ZNF565: variants seen among roughly 807,000 people sequenced by gnomAD.
ZNF565 encodes the protein zinc finger protein 565.
Under a neutral mutation model 39.4 loss-of-function variants are expected in ZNF565, and 27 were observed. The ratio of observed to expected loss-of-function variants is 0.69; its 90% confidence interval spans 0.51 to 0.95. ZNF565 has a LOEUF of 0.95. ZNF565 is among the 40% of genes least tolerant of loss of function. The pLI, the probability that ZNF565 is intolerant of heterozygous loss-of-function variation, is 0.00. For synonymous variants in ZNF565, 185 were observed against 216.6 expected, an observed-to-expected ratio of 0.85 and a Z score of 1.28; for missense variants, 524 against 621.1, an observed-to-expected ratio of 0.84 and a Z score of 1.66.
intron 1 of ZNF565, among the ~76,000 whole-genome samples, chr19:36,227,258 G>A (rs1430966663): frequency 2.1e-5 from 3 of 144,992 alleles, no homozygotes; most frequent in Non-Finnish European, 4.6e-5. Context: ...GTGTAGTGGC[G>A]CATGCCTGTA....
At chr19:36,192,133 C>A (rs990140289) in intron 4 of ZNF565, among the ~76,000 whole-genome samples, 1 of 151,726 alleles carries the variant, frequency 6.6e-6, no homozygotes, top group Non-Finnish European at 1.5e-5. Context: ...GGACTACAGG[C>A]ACCCGCCACC....
intron 3 of ZNF565, 154 bp downstream of exon 3, chr19:36,194,876 G>C (rs1312846775): frequency 8.6e-7 from 1 of 1,160,388 alleles, no homozygotes; most frequent in Non-Finnish European, 1.3e-6. Context: ...TACAGCTATT[G>C]CTGGCCGGGC....
At chr19:36,182,165 A>G (rs1384523654), downstream of ZNF565, 2 of 271,770 alleles carry the variant, frequency 7.4e-6, no homozygotes, top group Non-Finnish European at 1.4e-5. Context: ...GAATCTTTTA[A>G]TCGGGTCATT....
At chr19:36,227,705 C>A (rs1977133813) in intron 1 of ZNF565, among the ~76,000 whole-genome samples, 2 of 152,284 alleles carry the variant, frequency 1.3e-5, no homozygotes, top group East Asian at 3.9e-4. Context: ...CAGGCGCACA[C>A]CATTGCGCCC....
At chr19:36,195,000 C>T (rs771647858) in intron 3 of ZNF565, 30 bp downstream of exon 3, 44 of 1,613,890 alleles carry the variant, frequency 2.7e-5, no homozygotes, top group Middle Eastern at 1.6e-4. Flanking sequence ...CCTTGCTTTC[C>T]GTCTGGCCCG....
chr19:36,241,046 G>A (rs937666058), intron 1 of ZNF565, among the ~76,000 whole-genome samples: 26 of 152,212 alleles, frequency 1.7e-4, no homozygotes, highest in African/African-American at 6.0e-4. Context: ...CCAGCCTCCA[G>A]AACTGTGTAC....
At chr19:36,219,760 T>G (rs1407408733) in intron 1 of ZNF565, among the ~76,000 whole-genome samples, 1 of 152,178 alleles carries the variant, frequency 6.6e-6, no homozygotes, top group Non-Finnish European at 1.5e-5. Context: ...GATTTTCTGT[T>G]TTTTTTGTTG....
chr19:36,197,042 T>C (rs1599927751), intron 2 of ZNF565, among the ~76,000 whole-genome samples: 1 of 137,686 alleles, frequency 7.3e-6, no homozygotes, highest in South Asian at 2.3e-4. Context: ...GCAACAAGAG[T>C]GAAACTCTGT....
chr19:36,210,419 CAA>C (rs35345882), intron 1 of ZNF565, among the ~76,000 whole-genome samples: 17,314 of 66,802 alleles, frequency 0.26, 766 homozygotes, highest in African/African-American at 0.32. Context: ...AATTCTGTCT[CAA>C]AAAAAAAAAA....
At position 36,183,190 on chromosome 19, in the gene ZNF565, G is replaced by C; in HGVS notation, c.776C>G (p.Thr259Ser). The change falls in exon 5 of 5, where the codon ACC becomes AGC. Residue 259 changes from threonine (T) to serine (S), a missense_variant. By Grantham distance (58) the Thr-to-Ser change is moderately conservative. Coordinates refer to ENST00000304116, the MANE Select transcript of ZNF565 (RefSeq NM_152477.5). ...AATCAGCTGTGAATGCTGCCTAAAG[G>C]TCTTCCCACATTCTTTACATTCATA... Reference protein sequence around the residue: ...KPYECKECGKTFRQHSQLILH... With the variant: ...KPYECKECGKSFRQHSQLILH... The C allele has an allele frequency of 1.2e-6, 2 of 1,614,088 alleles. No homozygotes were observed. The highest frequency in any genetic ancestry group is 1.7e-6 in the Non-Finnish European group (2 of 1,180,032).
intron 1 of ZNF565, chr19:36,237,936 C>T (rs964611613): frequency 1.8e-5 from 3 of 166,928 alleles, no homozygotes; most frequent in African/African-American, 7.2e-5. Flanking sequence ...AAGCTATGTA[C>T]TAAAATGCAT....
At chr19:36,234,649 G>A (rs1248586046) in intron 1 of ZNF565, among the ~76,000 whole-genome samples, 3 of 152,126 alleles carry the variant, frequency 2.0e-5, no homozygotes, top group African/African-American at 4.8e-5. Flanking sequence ...CGCCCACCTC[G>A]GCCTCCCAAC....
Position 36,245,656 on chromosome 19 carries a change from T to C in ZNF565, c.-126A>G, listed in dbSNP as rs1442545495. 4 of 684,264 alleles carry C rather than the reference T, an allele frequency of 5.8e-6. No individual in the cohort carries two copies. The highest frequency in any genetic ancestry group is 1.1e-5 in the Non-Finnish European group (4 of 374,904). The allele number at this position is 684,264 out of a possible 1,614,324, so 42.4% of individuals were successfully genotyped here. On this transcript the variant is annotated 5_prime_UTR_variant, in exon 1 of 5. Coordinates refer to the ZNF565 transcript ENST00000355114. The surrounding 1 kb of genome is among the most constrained non-coding windows in gnomAD (Gnocchi z 4.4). ...CGAATTGGTGCTTTGGCAGAGTCTC[T>C]GGTGCCCGGGTGAATGGGTTCAGGG...
At chr19:36,189,906 TC>T (rs997396726) in intron 4 of ZNF565, among the ~76,000 whole-genome samples, 2 of 152,024 alleles carry the variant, frequency 1.3e-5, no homozygotes, top group Non-Finnish European at 2.9e-5. Flanking sequence ...CGATCTTGGT[TC>T]CTTGCAACCT....
In ZNF565 at chr19:36,183,257, C is replaced by T. The variant is rs753601175; in HGVS notation, c.709G>A (p.Glu237Lys). 4 of 1,613,646 alleles carry T rather than the reference C, an allele frequency of 2.5e-6. No individual in the cohort carries two copies. The Admixed American group carries it at 6.7e-5, about 27-fold the overall frequency. Residue 237 changes from glutamate (E) to lysine (K), a missense_variant, in exon 5 of 5, where the codon GAA becomes AAA. Glu to Lys is a moderately conservative substitution (Grantham distance 56, BLOSUM62 1). Transcript: ENST00000304116. ...TGAAGTCTCTGATGTAGAATAAGTTCTGATGTACGACCAAAGGCCTTCCCA... is the reference window on the plus strand; with the variant it reads ...TGAAGTCTCTGATGTAGAATAAGTTTTGATGTACGACCAAAGGCCTTCCCA... The part of the protein sequence containing the change: ...DCGKAFGRTS[E>K]LILHQRLHTG...
chr19:36,190,224 G>A (rs757832304), intron 4 of ZNF565, among the ~76,000 whole-genome samples: 3 of 152,166 alleles, frequency 2.0e-5, no homozygotes, highest in Non-Finnish European at 4.4e-5. Context: ...AAAGATGTCT[G>A]TGTCTTTATT....
At chr19:36,239,640 A>G (rs989631531) in intron 1 of ZNF565, among the ~76,000 whole-genome samples, 15 of 152,182 alleles carry the variant, frequency 9.9e-5, no homozygotes, top group African/African-American at 3.4e-4. Context: ...TTATTTTTAA[A>G]AAGAGAAAAC....
At chr19:36,190,510 A>G (rs1432983470) in intron 4 of ZNF565, among the ~76,000 whole-genome samples, 1 of 150,832 alleles carries the variant, frequency 6.6e-6, no homozygotes, top group African/African-American at 2.4e-5. Flanking sequence ...AGGGAGGCGG[A>G]AGTTGCGATG....
At chr19:36,189,801 C>T (rs1599917018) in intron 4 of ZNF565, among the ~76,000 whole-genome samples, 1 of 152,002 alleles carries the variant, frequency 6.6e-6, no homozygotes, top group South Asian at 2.1e-4. Flanking sequence ...ACAGTAGAGT[C>T]GTACCCATAA....
Sources: gnomAD v4.1 joint callset for allele counts (sites outside exome capture counted in the v4.1 genomes callset) on GRCh38, gnomAD v4.1.1 for gene constraint, Gnocchi (gnomAD v3.1) non-coding constraint, MANE v1.5 for transcripts, NCBI Gene and HGNC (gene_info 2026-07-23, HGNC 2026-07-21) for gene names.